Variants in RANBP2 observed in about 807,000 individuals in gnomAD.
The protein encoded by RANBP2 is E3 SUMO-protein ligase RanBP2.
Under a neutral mutation model 303.6 loss-of-function variants are expected in RANBP2, and 57 were observed. That is an observed-to-expected ratio of 0.19 (90% confidence interval 0.15 to 0.23). RANBP2 has a LOEUF of 0.23. Among genes scored for constraint, RANBP2 ranks in the 10% least tolerant of loss-of-function variants. RANBP2 has a pLI of 1.00. For synonymous variants in RANBP2, 1,167 were observed against 1,301.5 expected, an observed-to-expected ratio of 0.90 and a Z score of 2.23; for missense variants, 3,138 against 3,780.8, an observed-to-expected ratio of 0.83 and a Z score of 4.46.
At chr2:109,298,993 C>T in the RANBP2 span, among the ~76,000 whole-genome samples, 1 of 152,216 alleles carries the variant, frequency 6.6e-6, no homozygotes, top group South Asian at 2.1e-4. Context: ...CCTGCACCAA[C>T]CCCCACCCAC....
At chr2:108,914,044 T>C in the RANBP2 span, among the ~76,000 whole-genome samples, 1 of 151,408 alleles carries the variant, frequency 6.6e-6, no homozygotes, top group Non-Finnish European at 1.5e-5. Flanking sequence ...GTGGATCACT[T>C]GAGGTCAGGA....
the RANBP2 span, among the ~76,000 whole-genome samples, chr2:109,176,423 C>A: frequency 6.6e-6 from 1 of 152,136 alleles, no homozygotes; most frequent in Non-Finnish European, 1.5e-5. Context: ...AATAGTTGCT[C>A]ACAATTTCTT....
the RANBP2 span, among the ~76,000 whole-genome samples, chr2:108,935,470 A>C: frequency 1.3e-5 from 2 of 152,228 alleles, no homozygotes; most frequent in Non-Finnish European, 2.9e-5. Flanking sequence ...AAGTTTGAGA[A>C]GCACTGGTCT....
Position 108,782,381 on chromosome 2 carries a change from G to A in RANBP2, c.9014G>A (p.Trp3005Ter). The change falls in exon 27 of 29, where the codon TGG (tryptophan) becomes TAG (stop). Residue 3005 changes from tryptophan (W) to a stop codon, truncating the protein, a stop_gained. Coordinates refer to ENST00000283195, the MANE Select transcript of RANBP2 (RefSeq NM_006267.5). LOFTEE classifies it high-confidence loss of function. ...PLNVSNNALVWTASDYADGEA... is the reference protein window; with the variant it reads ...PLNVSNNALV Reference sequence around the variant, plus strand: ...AATGTTTCAAATAATGCTTTAGTTTGGACTGCCTCAGATTATGCTGGTGAG... The same window carrying A: ...AATGTTTCAAATAATGCTTTAGTTTAGACTGCCTCAGATTATGCTGGTGAG... 6.2e-7 allele frequency: 1 copy of A among 1,613,966 alleles called. No homozygotes were observed. Among genetic ancestry groups the A allele is most frequent in the Non-Finnish European group, 8.5e-7 (1 of 1,180,012 alleles).
chr2:109,171,974 G>A, the RANBP2 span, among the ~76,000 whole-genome samples: 1 of 152,234 alleles, frequency 6.6e-6, no homozygotes, highest in Non-Finnish European at 1.5e-5. Context: ...TATTTTCAGC[G>A]TGATTCTCAG....
the RANBP2 span, among the ~76,000 whole-genome samples, chr2:109,645,024 C>T: frequency 2.0e-3 from 309 of 152,324 alleles, 3 homozygotes; most frequent in African/African-American, 7.3e-3. Context: ...GTTTGCCTCC[C>T]GACTGTGTGG....
At chr2:108,910,791 TCTC>T in the RANBP2 span, 8 of 1,612,996 alleles carry the variant, frequency 5.0e-6, no homozygotes, top group South Asian at 2.2e-5. Context: ...GCCTCTTTCT[TCTC>T]CTCGTCCTTG....
the RANBP2 span, among the ~76,000 whole-genome samples, chr2:108,984,233 GC>G: frequency 1.3e-5 from 2 of 152,066 alleles, no homozygotes; most frequent in African/African-American, 4.8e-5. Flanking sequence ...CCTCAGCCAA[GC>G]CAACTCTCCC....
chr2:108,775,992 A>AAGAT, intron 24 of RANBP2, 56 bp downstream of exon 24: 1 of 1,474,668 alleles, frequency 6.8e-7, no homozygotes, highest in Non-Finnish European at 9.2e-7. Context: ...TATATTTGAG[A>AAGAT]AGATAGACTT....
rs1676205384 is a variant in RANBP2, at chr2:108,755,172, T to G, written c.2383-4T>G. 1.2e-6 allele frequency: 2 copies of G among 1,611,812 alleles called. No homozygotes were observed. Among genetic ancestry groups the G allele is most frequent in the Admixed American group, 1.7e-5 (1 of 59,982 alleles). The stretch of plus-strand genomic sequence containing the variant: ...GCTGTTTTGTTATTTTTATTTTTTT[T>G]TAGTATTCTCCCAAAACACCACCTC... On this transcript the variant is annotated splice_region_variant and splice_polypyrimidine_tract_variant and intron_variant, in intron 16 of 28. Transcript: ENST00000283195.
At chr2:108,778,325 T>G (rs554234949) in intron 25 of RANBP2, among the ~76,000 whole-genome samples, 51 of 152,362 alleles carry the variant, frequency 3.3e-4, no homozygotes, top group Non-Finnish European at 5.9e-4. Context: ...CTCTTGTGTA[T>G]TGAATGCTTA....
the RANBP2 span, among the ~76,000 whole-genome samples, chr2:109,174,774 C>T: frequency 1.3e-5 from 2 of 152,328 alleles, no homozygotes; most frequent in Middle Eastern, 3.4e-3. Context: ...GTGGCTCACT[C>T]GCTGGAGCCC....
chr2:109,545,481 C>T, the RANBP2 span: 1 of 1,536,150 alleles, frequency 6.5e-7, no homozygotes, highest in Non-Finnish European at 8.7e-7. Context: ...TCTTTACGTC[C>T]ACCATTGGTT....
At chr2:109,406,079 A>G in the RANBP2 span, among the ~76,000 whole-genome samples, 1 of 152,270 alleles carries the variant, frequency 6.6e-6, no homozygotes, top group Non-Finnish European at 1.5e-5. Flanking sequence ...CAGCCGGCTG[A>G]GCCTCAGATG....
chr2:108,931,111 TG>T, the RANBP2 span: 1 of 1,171,640 alleles, frequency 8.5e-7, no homozygotes, highest in Non-Finnish European at 1.3e-6. Flanking sequence ...TTAACCCCAC[TG>T]GATATAAGGT....
chr2:108,783,916 A>G lies in RANBP2; in HGVS notation c.*15A>G. The G allele has an allele frequency of 1.3e-6, 2 of 1,598,074 alleles. No individual in the cohort carries two copies. Among genetic ancestry groups the G allele is most frequent in the Non-Finnish European group, 1.7e-6 (2 of 1,165,786 alleles). On this transcript the variant is annotated 3_prime_UTR_variant, in exon 29 of 29. Coordinates refer to ENST00000283195, the MANE Select transcript of RANBP2 (RefSeq NM_006267.5). The stretch of plus-strand genomic sequence containing the variant: ...GACAGATATAAAATCATTGTTGTTC[A>G]TAGAAAATTTCATCTGTATAAGCAG...
chr2:109,408,598 T>A, the RANBP2 span, among the ~76,000 whole-genome samples: 7 of 152,218 alleles, frequency 4.6e-5, no homozygotes, highest in Non-Finnish European at 1.0e-4. Flanking sequence ...TGAGCTTCGC[T>A]GCGGCAAGAG....
At chr2:108,932,777 T>C in the RANBP2 span, among the ~76,000 whole-genome samples, 1 of 152,168 alleles carries the variant, frequency 6.6e-6, no homozygotes, top group Non-Finnish European at 1.5e-5. Context: ...TATGTGTTTT[T>C]AACACATAAA....
At chr2:109,699,678 G>A in the RANBP2 span, among the ~76,000 whole-genome samples, 6 of 152,264 alleles carry the variant, frequency 3.9e-5, 1 homozygote, top group Middle Eastern at 6.8e-3. Context: ...GGTTGGTTGC[G>A]TTGTCTCAAG....
Sources: gnomAD v4.1 joint callset for allele counts (sites outside exome capture counted in the v4.1 genomes callset) on GRCh38, gnomAD v4.1.1 for gene constraint, MANE v1.5 for transcripts, NCBI Gene and HGNC (gene_info 2026-07-23, HGNC 2026-07-21) for gene names.